The following NEDD4L variants were observed in gnomAD, a reference collection of about 807,000 sequenced individuals.
NEDD4L encodes E3 ubiquitin-protein ligase NEDD4-like.
A neutral mutation model predicts 148.9 loss-of-function variants in NEDD4L; 54 were observed. The ratio of observed to expected loss-of-function variants is 0.36; its 90% CI spans 0.29 to 0.45. The LOEUF (loss-of-function observed/expected upper bound fraction) is 0.45, where lower values mean the gene tolerates loss of function less well. Ranked by LOEUF, NEDD4L falls within the 20% of genes least tolerant of loss-of-function variation. NEDD4L has a pLI of 1.00. For missense variants in NEDD4L, 856 were observed against 1,233.8 expected, an observed-to-expected ratio of 0.69 and a Z score of 4.59; for synonymous variants, 433 against 440.7, an observed-to-expected ratio of 0.98 and a Z score of 0.22.
intron 1 of NEDD4L, among the ~76,000 whole-genome samples, chr18:58,122,221 C>T (rs943327272): frequency 8.5e-5 from 13 of 152,224 alleles, no homozygotes; most frequent in South Asian, 4.1e-4. Flanking sequence ...CAATCTAGGC[C>T]GGGTGCTGTG....
intron 1 of NEDD4L, among the ~76,000 whole-genome samples, chr18:58,109,184 T>C (rs1599332515): frequency 6.6e-6 from 1 of 152,348 alleles, no homozygotes; most frequent in East Asian, 1.9e-4. Flanking sequence ...CCTGCCCTCA[T>C]TGAGCTTCCA....
intron 2 of NEDD4L, among the ~76,000 whole-genome samples, chr18:58,231,315 T>C (rs1205815849): frequency 6.6e-6 from 1 of 150,854 alleles, no homozygotes; most frequent in African/African-American, 2.4e-5. Flanking sequence ...GGGAGTGGTC[T>C]AAGTATTCAG....
In NEDD4L at chr18:58,310,021, C is replaced by G. The variant is rs183441464; in HGVS notation, c.298-5961C>G. On this transcript the variant is annotated intron_variant, in intron 5 of 30. Coordinates refer to ENST00000400345, the MANE Select transcript of NEDD4L (RefSeq NM_001144967.3). ...CAGTTGTTCTTTGCTTGCGCTTGCTCTCGCTCTCGCTCTCACTCTCACTCT... is the reference window on the plus strand; with the variant it reads ...CAGTTGTTCTTTGCTTGCGCTTGCTGTCGCTCTCGCTCTCACTCTCACTCT... Among the ~76,000 whole-genome samples the G allele has an allele frequency of 4.6e-5, 7 of 152,244 alleles. No homozygotes were observed. In the East Asian group the frequency reaches 1.3e-3, roughly 29 times the overall value.
chr18:58,289,329 G>A (rs2054370783), intron 5 of NEDD4L, among the ~76,000 whole-genome samples: 1 of 152,158 alleles, frequency 6.6e-6, no homozygotes, highest in Admixed American at 6.5e-5. Context: ...GGAGGTTTCT[G>A]TCTCAGGATT....
intron 18 of NEDD4L, among the ~76,000 whole-genome samples, chr18:58,355,173 G>A (rs1601629419): frequency 6.6e-6 from 1 of 152,148 alleles, no homozygotes; most frequent in African/African-American, 2.4e-5. Flanking sequence ...AACTGGGGTT[G>A]GGGGGTGAGA....
chr18:58,166,488 G>A (rs1300339423), intron 2 of NEDD4L, among the ~76,000 whole-genome samples: 1 of 152,212 alleles, frequency 6.6e-6, no homozygotes, highest in South Asian at 2.1e-4. Context: ...GAGGGTAGCC[G>A]TAGAGCCACC....
At chr18:58,169,740 C>T (rs539000641) in intron 2 of NEDD4L, among the ~76,000 whole-genome samples, 1 of 152,180 alleles carries the variant, frequency 6.6e-6, no homozygotes, top group African/African-American at 2.4e-5. Flanking sequence ...ACGTACTCTG[C>T]CCTAACCTCA....
At chr18:58,125,819 G>A (rs2030973670) in intron 1 of NEDD4L, among the ~76,000 whole-genome samples, 1 of 152,242 alleles carries the variant, frequency 6.6e-6, no homozygotes, top group Non-Finnish European at 1.5e-5. Flanking sequence ...GTATTTAACA[G>A]TCTTTTCTTT....
intron 25 of NEDD4L, among the ~76,000 whole-genome samples, chr18:58,384,605 G>GT (rs575742586): frequency 2.0e-5 from 3 of 152,336 alleles, no homozygotes; most frequent in African/African-American, 7.2e-5. Flanking sequence ...TTCAAACGTG[G>GT]TGGGAGTCAG....
At chr18:58,351,973 C>T (rs894274401) in intron 18 of NEDD4L, among the ~76,000 whole-genome samples, 7 of 152,186 alleles carry the variant, frequency 4.6e-5, no homozygotes, top group Admixed American at 4.6e-4. Flanking sequence ...GTACGTTTTT[C>T]AGATGTTACT....
rs114950064 is a variant in NEDD4L, at chr18:58,342,009, C to T, written c.1377+212C>T. ...GACTCTCTCACCTGATTCTCATTCT[C>T]ATTTGGCTAAGGCCGTGGTGACTTG... On this transcript the variant is annotated intron_variant, in intron 15 of 30. Coordinates refer to ENST00000400345, the MANE Select transcript of NEDD4L (RefSeq NM_001144967.3). 4.6e-3 allele frequency among the ~76,000 whole-genome samples: 700 copies of T among 152,352 alleles called. 1 individual carries two copies. The highest frequency in any genetic ancestry group is 0.016 in the African/African-American group (662 of 41,576).
chr18:58,047,901 A>G (rs2081661416), intron 1 of NEDD4L, among the ~76,000 whole-genome samples: 1 of 152,264 alleles, frequency 6.6e-6, no homozygotes, highest in Non-Finnish European at 1.5e-5. Context: ...CATTTTAGAA[A>G]GGTATCATTT....
Position 58,256,658 on chromosome 18 carries a change from C to T in NEDD4L, c.297+4604C>T. On this transcript the variant is annotated intron_variant, in intron 5 of 30. Transcript: ENST00000400345. The surrounding 1 kb of genome is among the most constrained non-coding windows in gnomAD (Gnocchi z 5.2). ...GTGCACATTTAAGATCAGGCAGGATCAGAACGCGGGGCAGCAGCATTTTAG... is the reference window on the plus strand; with the variant it reads ...GTGCACATTTAAGATCAGGCAGGATTAGAACGCGGGGCAGCAGCATTTTAG... 2.4e-6 allele frequency: 3 copies of T among 1,232,198 alleles called. No individual in the cohort carries two copies. The highest frequency in any genetic ancestry group is 3.0e-6 in the Non-Finnish European group (3 of 988,014). The allele number at this position is 1,232,198 out of a possible 1,614,324, so 76.3% of individuals were successfully genotyped here. A position where few individuals can be genotyped will look rare whatever the true frequency, so the allele number is the denominator to read the frequency against.
chr18:58,206,215 C>G (rs145536194), intron 2 of NEDD4L, among the ~76,000 whole-genome samples: 1 of 152,058 alleles, frequency 6.6e-6, no homozygotes, highest in South Asian at 2.1e-4. Context: ...GTGGCGAAAC[C>G]CTGTCTCTAC....
intron 4 of NEDD4L, among the ~76,000 whole-genome samples, chr18:58,251,076 A>G (rs2047870598): frequency 1.3e-5 from 2 of 152,182 alleles, no homozygotes; most frequent in Admixed American, 6.5e-5. Context: ...TGCCCTACAC[A>G]TTAGCTGTGG....
chr18:58,200,642 G>A (rs2041287525), intron 2 of NEDD4L, among the ~76,000 whole-genome samples: 1 of 152,164 alleles, frequency 6.6e-6, no homozygotes, highest in African/African-American at 2.4e-5. Flanking sequence ...TTGGCTTTAG[G>A]TTCGTGAACC....
chr18:58,354,889 G>C (rs2044386053), intron 18 of NEDD4L, among the ~76,000 whole-genome samples: 1 of 152,224 alleles, frequency 6.6e-6, no homozygotes, highest in African/African-American at 2.4e-5. Context: ...TAGGATTGAG[G>C]CAGTCAAAGC....
intron 1 of NEDD4L, among the ~76,000 whole-genome samples, chr18:58,075,920 C>A (rs781152025): frequency 8.2e-4 from 125 of 152,242 alleles, no homozygotes; most frequent in Non-Finnish European, 1.5e-3. Flanking sequence ...CAGGGCGAGA[C>A]CCCTCCAGAT....
chr18:58,256,047 C>T lies in NEDD4L; in HGVS notation c.297+3993C>T, dbSNP rs112406272. On this transcript the variant is annotated intron_variant, in intron 5 of 30. Coordinates refer to ENST00000400345, the MANE Select transcript of NEDD4L (RefSeq NM_001144967.3). This position sits in a 1 kb window ranked among gnomAD's most constrained non-coding sequence, Gnocchi z 5.2. ...GCCTCCGCCACTGCCACCACGAGGG[C>T]CTCGCCCCAGAGTGGCTCCCGGGAG... is the stretch of plus-strand genomic sequence containing the variant. The T allele has an allele frequency of 0.19, 234,296 of 1,229,368 alleles. 24,295 individuals are homozygous for T. The highest frequency in any genetic ancestry group is 0.21 in the Non-Finnish European group (209,180 of 986,410). The allele number at this position is 1,229,368 out of a possible 1,614,324, so 76.2% of individuals were successfully genotyped here. A position where few individuals can be genotyped will look rare whatever the true frequency, so the allele number is the denominator to read the frequency against.
Sources: allele counts gnomAD v4.1 joint callset (sites outside exome capture counted in the v4.1 genomes callset), GRCh38; gene constraint gnomAD v4.1.1; non-coding constraint Gnocchi (gnomAD v3.1); transcripts MANE v1.5; gene names NCBI Gene and HGNC (gene_info 2026-07-23, HGNC 2026-07-21).